The following FHDC1 variants were observed in gnomAD, a reference collection of about 807,000 sequenced individuals.
The protein encoded by FHDC1 is FH2 domain containing 1.
A neutral mutation model predicts 52.6 loss-of-function variants in FHDC1; 25 were observed. That is an observed-to-expected ratio of 0.48 (90% CI 0.35 to 0.66). The LOEUF is 0.66. Among genes scored for constraint, FHDC1 ranks in the 30% least tolerant of loss-of-function variants. The probability of loss-of-function intolerance (pLI) is 0.01; values close to 1 mark genes in which losing one functional copy is unlikely to be tolerated. For synonymous variants in FHDC1, 616 were observed against 581.5 expected, an observed-to-expected ratio of 1.06 and a Z score of -0.85; for missense variants, 1,459 against 1,452.8, an observed-to-expected ratio of 1.00 and a Z score of -0.07.
At position 152,974,884 on chromosome 4, in the gene FHDC1, C is replaced by T; in HGVS notation, c.1593C>T (p.Tyr531=). The change falls in exon 12 of 12, where the codon TAC becomes TAT. Residue 531 remains tyrosine (Y), a synonymous_variant. Transcript: ENST00000511601. ...PRPISPSSPS[Y]RPPNTRRSRL... is the part of the protein sequence containing the mutation. ...CCATCAGCCCCTCCAGCCCCTCCTA[C>T]CGGCCCCCGAACACCCGCCGCTCCC... 1.2e-6 allele frequency: 2 copies of T among 1,607,538 alleles called. No homozygotes were observed. Among genetic ancestry groups the T allele is most frequent in the Non-Finnish European group, 1.7e-6 (2 of 1,177,850 alleles).
chr4:152,917,402 C>T, the FHDC1 span, among the ~76,000 whole-genome samples: 137 of 152,176 alleles, frequency 9.0e-4, no homozygotes, highest in East Asian at 6.4e-3. Context: ...GAGATGGCCA[C>T]GTTTTCCCTA....
the FHDC1 span, among the ~76,000 whole-genome samples, chr4:152,917,305 A>G: frequency 6.6e-6 from 1 of 152,182 alleles, no homozygotes. Context: ...TTTATTTACT[A>G]TAACAACTTG....
the FHDC1 span, among the ~76,000 whole-genome samples, chr4:152,919,363 G>A: frequency 1.3e-5 from 2 of 152,320 alleles, no homozygotes; most frequent in African/African-American, 4.8e-5. Flanking sequence ...TACAATTAGT[G>A]GTTGAGGATG....
At chr4:152,934,308 G>T (rs909854717), upstream of FHDC1, among the ~76,000 whole-genome samples, 1 of 152,190 alleles carries the variant, frequency 6.6e-6, no homozygotes, top group Non-Finnish European at 1.5e-5. Context: ...TAGGTAAAGA[G>T]GGGGAGGTGG....
Position 152,975,118 on chromosome 4 carries a change from G to T in FHDC1, c.1827G>T (p.Glu609Asp), listed in dbSNP as rs1020107563. The T allele has an allele frequency of 1.9e-6, 3 of 1,612,612 alleles. No homozygotes were observed. In the African/African-American group the frequency reaches 4.0e-5, roughly 22 times the overall value. The change falls in exon 12 of 12, where the codon GAG (glutamate) becomes GAT (aspartate). Residue 609 changes from glutamate (E) to aspartate (D), a missense_variant. Glu to Asp is a conservative substitution (Grantham distance 45). Coordinates refer to ENST00000511601, the MANE Select transcript of FHDC1 (RefSeq NM_001371116.1). ...AACCTCAGGCCTCGGGGGGCCAGGAGGAGGCCCCCAACCCACCCTCAGCAC... is the reference window on the plus strand; with the variant it reads ...AACCTCAGGCCTCGGGGGGCCAGGATGAGGCCCCCAACCCACCCTCAGCAC... Reference protein sequence around the residue: ...AHKPQASGGQEEAPNPPSAQA... With the variant: ...AHKPQASGGQDEAPNPPSAQA...
At chr4:152,918,736 A>G in the FHDC1 span, among the ~76,000 whole-genome samples, 4 of 152,224 alleles carry the variant, frequency 2.6e-5, no homozygotes, top group African/African-American at 7.2e-5. Flanking sequence ...GAAAGGTTTC[A>G]CTTAATTGGC....
chr4:152,967,220 G>T (rs934943441), intron 9 of FHDC1, among the ~76,000 whole-genome samples: 3 of 152,144 alleles, frequency 2.0e-5, no homozygotes, highest in African/African-American at 7.2e-5. Context: ...GAGCTCAGGG[G>T]TTCTAGACCA....
intron 1 of FHDC1, among the ~76,000 whole-genome samples, chr4:152,939,426 G>C (rs958312233): frequency 1.3e-5 from 2 of 152,088 alleles, no homozygotes; most frequent in Non-Finnish European, 2.9e-5. Context: ...GAGCCACCGC[G>C]CCTGGCCGAG....
At position 152,975,095 on chromosome 4, in the gene FHDC1, C is replaced by G; in HGVS notation, c.1804C>G (p.Pro602Ala). 2 of 1,612,712 alleles carry G rather than the reference C, an allele frequency of 1.2e-6. No individual in the cohort carries two copies. The highest frequency in any genetic ancestry group is 1.7e-6 in the Non-Finnish European group (2 of 1,179,956). ...CCAGGACTCCAGCTTTGCACACAAA[C>G]CTCAGGCCTCGGGGGGCCAGGAGGA... ...RHQDSSFAHKPQASGGQEEAP... is the reference protein window; with the variant it reads ...RHQDSSFAHKAQASGGQEEAP... The change falls in exon 12 of 12, where the codon CCT becomes GCT. Residue 602 changes from proline (P) to alanine (A), a missense_variant. By Grantham distance (27) the Pro-to-Ala change is conservative. Transcript: ENST00000511601.
chr4:152,973,571 C>A (rs2149961327), intron 11 of FHDC1, among the ~76,000 whole-genome samples: 1 of 152,316 alleles, frequency 6.6e-6, no homozygotes, highest in Middle Eastern at 3.4e-3. Flanking sequence ...CCCCACTGTC[C>A]AAAGAGCCAG....
intron 11 of FHDC1, 49 bp downstream of exon 11, chr4:152,972,590 CCTT>C: frequency 6.4e-7 from 1 of 1,555,936 alleles, no homozygotes; most frequent in Non-Finnish European, 8.7e-7. Context: ...TTTTTATTTT[CCTT>C]CTTCTCGACC....
At chr4:152,955,009 CTCA>C (rs908809804) in intron 4 of FHDC1, among the ~76,000 whole-genome samples, 2 of 152,008 alleles carry the variant, frequency 1.3e-5, no homozygotes, top group Admixed American at 6.6e-5. Flanking sequence ...TCAATAAATT[CTCA>C]TCATCCAAAG....
Position 152,960,657 on chromosome 4 carries a change from A to T in FHDC1, c.749+7A>T. On this transcript the variant is annotated splice_region_variant and intron_variant, in intron 5 of 11. Transcript: ENST00000511601. Reference sequence around the variant, plus strand: ...GCTTAATTCAGGTGCCAAAGTAAGGATACAGTCGCTGGTTATTATTCTTCA... The same window carrying T: ...GCTTAATTCAGGTGCCAAAGTAAGGTTACAGTCGCTGGTTATTATTCTTCA... 1 of 1,614,054 alleles carries T rather than the reference A, an allele frequency of 6.2e-7. No homozygotes were observed. Among genetic ancestry groups the T allele is most frequent in the Non-Finnish European group, 8.5e-7 (1 of 1,179,976 alleles).
chr4:152,923,769 T>C, the FHDC1 span, among the ~76,000 whole-genome samples: 2 of 152,024 alleles, frequency 1.3e-5, no homozygotes, highest in Non-Finnish European at 2.9e-5. Context: ...GGATTCCCTA[T>C]GTAATAAATG....
chr4:152,957,922 C>T (rs1356731385), intron 4 of FHDC1, among the ~76,000 whole-genome samples: 1 of 152,128 alleles, frequency 6.6e-6, no homozygotes, highest in Non-Finnish European at 1.5e-5. Flanking sequence ...CAGGGAACAC[C>T]CCCACCACGC....
chr4:152,955,555 G>A (rs561372347), intron 4 of FHDC1, among the ~76,000 whole-genome samples: 23 of 152,242 alleles, frequency 1.5e-4, no homozygotes, highest in African/African-American at 5.1e-4. Context: ...AGTGATCTCA[G>A]CTCGCTGCAA....
At chr4:152,959,941 A>T (rs79894315) in intron 4 of FHDC1, among the ~76,000 whole-genome samples, 1 of 151,274 alleles carries the variant, frequency 6.6e-6, no homozygotes, top group Non-Finnish European at 1.5e-5. Context: ...GGCAATCTTA[A>T]CGTCCCGTTG....
Position 152,973,625 on chromosome 4 carries a change from C to T in FHDC1, c.1384-1050C>T, listed in dbSNP as rs886523043. Among the ~76,000 whole-genome samples, 8 of 152,338 alleles carry T rather than the reference C, an allele frequency of 5.3e-5. No homozygotes were observed. In the South Asian group the frequency reaches 1.0e-3, roughly 20 times the overall value. ...CCACAGGCAATCTTTAAAGAAGGCC[C>T]GAGAGACTTGGGGACGAGGTGGGAG... On this transcript the variant is annotated intron_variant, in intron 11 of 11. Coordinates refer to ENST00000511601, the MANE Select transcript of FHDC1 (RefSeq NM_001371116.1).
the FHDC1 span, chr4:152,912,131 A>G: frequency 1.3e-5 from 2 of 152,198 alleles, no homozygotes; most frequent in African/African-American, 2.4e-5. Context: ...AAGGAGCTAA[A>G]TAGTTTCATG....
Sources: allele counts gnomAD v4.1 joint callset (sites outside exome capture counted in the v4.1 genomes callset), GRCh38; gene constraint gnomAD v4.1.1; transcripts MANE v1.5; gene names NCBI Gene and HGNC (gene_info 2026-07-23, HGNC 2026-07-21).